Variants in DLC1 observed in about 807,000 individuals in gnomAD.
The protein encoded by DLC1 is rho GTPase-activating protein 7.
Under a neutral mutation model 140.3 loss-of-function variants are expected in DLC1, and 54 were observed. The ratio of observed to expected loss-of-function variants is 0.38; its 90% CI spans 0.31 to 0.48. The LOEUF is 0.48. DLC1 is among the 20% of genes least tolerant of loss of function. The pLI is 0.96. For missense variants in DLC1, 2,536 were observed against 1,907.0 expected (o/e 1.33, Z -6.14); for synonymous variants, 986 against 728.1 (o/e 1.35, Z -5.70).
At chr8:13,202,258 T>C (rs1241497758) in intron 5 of DLC1, among the ~76,000 whole-genome samples, 1 of 152,172 alleles carries the variant, frequency 6.6e-6, no homozygotes, top group East Asian at 1.9e-4. Flanking sequence ...TAGGGTATTT[T>C]TAAATTTAAA....
intron 5 of DLC1, among the ~76,000 whole-genome samples, chr8:13,285,680 G>T (rs1157348223): frequency 6.6e-6 from 1 of 152,102 alleles, no homozygotes; most frequent in Non-Finnish European, 1.5e-5. Context: ...GAGCAACTGG[G>T]ATACTTACAT....
intron 2 of DLC1, among the ~76,000 whole-genome samples, chr8:13,406,580 T>G (rs1837572402): frequency 6.6e-6 from 1 of 152,154 alleles, no homozygotes; most frequent in South Asian, 2.1e-4. Context: ...GTTCTTTCAT[T>G]TTTGGGTGAA....
At chr8:13,142,997 T>G (rs1344456936) in intron 5 of DLC1, among the ~76,000 whole-genome samples, 1 of 149,984 alleles carries the variant, frequency 6.7e-6, no homozygotes, top group Non-Finnish European at 1.5e-5. Context: ...GAGCCAAGAT[T>G]GTGCCGTTGC....
At position 13,537,879 on chromosome 8, in the gene DLC1, T is replaced by C. The variant is rs186232652; in HGVS notation, c.-125-37683A>G. Among the ~76,000 whole-genome samples the C allele has an allele frequency of 5.3e-5, 8 of 152,032 alleles. No individual in the cohort carries two copies. The East Asian group carries it at 9.7e-4, about 18-fold the overall frequency. ...TGTGTTAGTCAGGATAGTCTACGAT[T>C]TCCTGACCTCGTGATCCGCCCACCT... is the stretch of plus-strand genomic sequence containing the variant. On this transcript the variant is annotated intron_variant, in intron 1 of 1. Coordinates refer to the DLC1 transcript ENST00000631382.
At chr8:13,382,232 G>C (rs1242157919) in intron 4 of DLC1, among the ~76,000 whole-genome samples, 1 of 152,060 alleles carries the variant, frequency 6.6e-6, no homozygotes, top group African/African-American at 2.4e-5. Context: ...AGGAGGCCGG[G>C]CGCGGTGGCT....
chr8:13,110,707 TAAA>T (rs768125778), intron 7 of DLC1, 32 bp downstream of exon 7: 1 of 1,587,332 alleles, frequency 6.3e-7, no homozygotes, highest in African/African-American at 1.4e-5. Flanking sequence ...TCTTAAAAAA[TAAA>T]AAAGGAAAAC....
intron 4 of DLC1, among the ~76,000 whole-genome samples, chr8:13,360,309 T>C (rs1385301012): frequency 1.3e-5 from 2 of 152,222 alleles, no homozygotes; most frequent in Non-Finnish European, 2.9e-5. Flanking sequence ...AGAAATTTAA[T>C]ATCTACCACT....
At chr8:13,236,469 C>G (rs1829287722) in intron 5 of DLC1, among the ~76,000 whole-genome samples, 1 of 152,068 alleles carries the variant, frequency 6.6e-6, no homozygotes, top group Non-Finnish European at 1.5e-5. Flanking sequence ...CACTAATTAG[C>G]CTATCAACCT....
intron 5 of DLC1, among the ~76,000 whole-genome samples, chr8:13,173,079 C>A (rs550565804): frequency 6.6e-6 from 1 of 152,228 alleles, no homozygotes; most frequent in South Asian, 2.1e-4. Context: ...GAGTGAACAC[C>A]CATATCTTAA....
intron 4 of DLC1, among the ~76,000 whole-genome samples, chr8:13,357,329 C>G (rs947258449): frequency 1.3e-5 from 2 of 152,172 alleles, no homozygotes; most frequent in African/African-American, 2.4e-5. Context: ...CTGTTTGACA[C>G]CTATGTGTTT....
intron 5 of DLC1, among the ~76,000 whole-genome samples, chr8:13,249,687 A>G (rs1486217366): frequency 6.6e-6 from 1 of 152,170 alleles, no homozygotes; most frequent in Non-Finnish European, 1.5e-5. Flanking sequence ...CCCTCTGCTT[A>G]AATACATGCT....
rs371554783 is a variant in DLC1, at chr8:13,086,481, G to T, written c.4293-18C>A. 2.5e-6 allele frequency: 4 copies of T among 1,603,218 alleles called. No homozygotes were observed. In the East Asian group the frequency reaches 8.9e-5, roughly 36 times the overall value. ...TCCAGGTTCTGTAGAGACAAAACCA[G>T]AGGCAGAAATGATGGAATTTCATAG... On this transcript the variant is annotated intron_variant, in intron 16 of 17. Transcript: ENST00000276297.
At chr8:13,400,610 G>T (rs1197789101) in intron 3 of DLC1, among the ~76,000 whole-genome samples, 2 of 152,036 alleles carry the variant, frequency 1.3e-5, no homozygotes, top group Admixed American at 6.6e-5. Flanking sequence ...CAAATAATTT[G>T]ATATGCAACA....
chr8:13,219,326 ATATAAT>A (rs1293784040), intron 5 of DLC1, among the ~76,000 whole-genome samples: 3 of 128,966 alleles, frequency 2.3e-5, no homozygotes, highest in South Asian at 2.5e-4. Flanking sequence ...AGTTATATTC[ATATAAT>A]TATAATTATA....
intron 5 of DLC1, among the ~76,000 whole-genome samples, chr8:13,250,281 C>G (rs1829946049): frequency 6.6e-6 from 1 of 152,132 alleles, no homozygotes; most frequent in African/African-American, 2.4e-5. Context: ...AATATTGTCC[C>G]CATCTGCTCC....
intron 5 of DLC1, among the ~76,000 whole-genome samples, chr8:13,173,368 C>CTTTTTTTTT (rs35778236): frequency 3.9e-5 from 4 of 103,524 alleles, no homozygotes; most frequent in Non-Finnish European, 7.3e-5. Context: ...GTTCTGCCCT[C>CTTTTTTTTT]TTTTTTTTTT....
At chr8:13,503,075 C>T (rs7001031) in intron 1 of DLC1, among the ~76,000 whole-genome samples, 19,339 of 152,154 alleles carry the variant, frequency 0.13, 2,275 homozygotes, top group East Asian at 0.38. Flanking sequence ...CATGCCTTAA[C>T]GTAAGAGTTT....
intron 1 of DLC1, among the ~76,000 whole-genome samples, chr8:13,585,586 C>G (rs559957752): frequency 6.6e-6 from 1 of 152,260 alleles, no homozygotes; most frequent in South Asian, 2.1e-4. Flanking sequence ...TGTATTGTCT[C>G]TGAGTTCCGA....
chr8:13,360,739 A>G (rs1194257075), intron 4 of DLC1, among the ~76,000 whole-genome samples: 2 of 152,184 alleles, frequency 1.3e-5, no homozygotes, highest in African/African-American at 4.8e-5. Context: ...GAAAATATGA[A>G]ATGTAGAAAA....
Sources: gnomAD v4.1 joint callset for allele counts (sites outside exome capture counted in the v4.1 genomes callset) on GRCh38, gnomAD v4.1.1 for gene constraint, MANE v1.5 for transcripts, NCBI Gene and HGNC (gene_info 2026-07-23, HGNC 2026-07-21) for gene names.